The following ITPR2 variants were observed in gnomAD, a reference collection of about 807,000 sequenced individuals.
ITPR2 encodes inositol 1,4,5-trisphosphate receptor type 2.
Under a neutral mutation model 317.1 loss-of-function variants are expected in ITPR2, and 207 were observed. The ratio of observed to expected loss-of-function variants is 0.65; its 90% confidence interval spans 0.58 to 0.73. ITPR2 has a LOEUF of 0.73. Ranked by LOEUF, ITPR2 falls within the 30% of genes least tolerant of loss-of-function variation. The pLI is 0.00. For missense variants in ITPR2, 2,613 were observed against 3,284.0 expected, an observed-to-expected ratio of 0.80 and a Z score of 4.99; for synonymous variants, 1,156 against 1,149.1, an observed-to-expected ratio of 1.01 and a Z score of -0.12.
chr12:26,813,130 G>A (rs1046035360), intron 1 of ITPR2, among the ~76,000 whole-genome samples: 1 of 152,116 alleles, frequency 6.6e-6, no homozygotes, highest in African/African-American at 2.4e-5. Context: ...ATATTTAGTT[G>A]TAGCATAAAA....
At chr12:26,717,075 T>G (rs1435681975) in intron 5 of ITPR2, among the ~76,000 whole-genome samples, 1 of 152,192 alleles carries the variant, frequency 6.6e-6, no homozygotes, top group Non-Finnish European at 1.5e-5. Flanking sequence ...TTACTTACAT[T>G]GCTGAATTTA....
At chr12:26,495,550 C>T (rs190933962) in intron 37 of ITPR2, 33 of 230,874 alleles carry the variant, frequency 1.4e-4, no homozygotes, top group Admixed American at 2.8e-4. Flanking sequence ...TATCTCCAAA[C>T]TCATCAAGTT....
chr12:26,415,469 A>G lies in ITPR2; in HGVS notation c.7140T>C (p.Thr2380=), dbSNP rs1201634755. The G allele has an allele frequency of 6.2e-7, 1 of 1,609,594 alleles. No homozygotes were observed. Among genetic ancestry groups the G allele is most frequent in the Non-Finnish European group, 8.5e-7 (1 of 1,177,686 alleles). Residue 2380 remains threonine (T), a synonymous_variant, in exon 51 of 57, where the codon ACT becomes ACC. Transcript: ENST00000381340. ...LLFDLVYREE[T]LLNVIKSVTR... ...TGACACTTTTTATGACATTCAGCAA[A>G]GTCTCTTCCCTGTACACCAAATCAA...
At chr12:26,364,048 G>A (rs911647840) in intron 55 of ITPR2, among the ~76,000 whole-genome samples, 3 of 152,162 alleles carry the variant, frequency 2.0e-5, no homozygotes, top group African/African-American at 2.4e-5. Context: ...GCACTCTCCC[G>A]TGGATATTTG....
chr12:26,449,888 G>T (rs1375695054), intron 45 of ITPR2, among the ~76,000 whole-genome samples: 1 of 152,146 alleles, frequency 6.6e-6, no homozygotes, highest in Admixed American at 6.6e-5. Flanking sequence ...CTTATCTCCT[G>T]GTACCTATGA....
intron 39 of ITPR2, 94 bp downstream of exon 39, chr12:26,494,059 C>A: frequency 1.0e-6 from 1 of 958,422 alleles, no homozygotes; most frequent in South Asian, 2.2e-5. Context: ...GTAATAAGAG[C>A]TAAAAGAAAC....
Position 26,339,492 on chromosome 12 carries a change from A to G in ITPR2, c.8020-9T>C. ...TTCCTTTGTTCTGTCATCTGGGGGAAAAGAGAGAGTGTGTGTTCAGCGGAT... is the reference window on the plus strand; with the variant it reads ...TTCCTTTGTTCTGTCATCTGGGGGAGAAGAGAGAGTGTGTGTTCAGCGGAT... On this transcript the variant is annotated splice_polypyrimidine_tract_variant and intron_variant, in intron 56 of 56. Coordinates refer to ENST00000381340, the MANE Select transcript of ITPR2 (RefSeq NM_002223.4). The G allele has an allele frequency of 6.2e-7, 1 of 1,612,206 alleles. No homozygotes were observed. Among genetic ancestry groups the G allele is most frequent in the Non-Finnish European group, 8.5e-7 (1 of 1,178,394 alleles).
chr12:26,356,948 T>C (rs561105093), intron 55 of ITPR2, among the ~76,000 whole-genome samples: 2 of 152,360 alleles, frequency 1.3e-5, no homozygotes, highest in Admixed American at 6.5e-5. Flanking sequence ...GAAATAGATA[T>C]TGAAGCAATT....
intron 13 of ITPR2, among the ~76,000 whole-genome samples, chr12:26,672,764 G>A (rs1947812399): frequency 1.3e-5 from 2 of 151,962 alleles, no homozygotes; most frequent in South Asian, 4.1e-4. Context: ...TCCAGGAGCT[G>A]GTTTTTTGAA....
intron 32 of ITPR2, among the ~76,000 whole-genome samples, chr12:26,592,019 T>C (rs556682184): frequency 1.3e-5 from 2 of 152,080 alleles, no homozygotes; most frequent in Non-Finnish European, 2.9e-5. Flanking sequence ...AACAGATGAA[T>C]GGATAAAGAA....
intron 37 of ITPR2, among the ~76,000 whole-genome samples, chr12:26,531,516 C>G (rs551241890): frequency 6.6e-6 from 1 of 152,186 alleles, no homozygotes; most frequent in African/African-American, 2.4e-5. Flanking sequence ...AAGCAATGCT[C>G]TGACAATTGT....
chr12:26,487,247 G>A lies in ITPR2; in HGVS notation c.5375C>T (p.Ser1792Phe). 6.3e-7 allele frequency: 1 copy of A among 1,591,354 alleles called. No homozygotes were observed. Among genetic ancestry groups the A allele is most frequent in the Non-Finnish European group, 8.5e-7 (1 of 1,172,148 alleles). Residue 1792 changes from serine (S) to phenylalanine (F), a missense_variant, in exon 40 of 57, where the codon TCT becomes TTT. Ser to Phe is a radical substitution (Grantham distance 155). Around this residue, in one of 9 missense-constraint regions of ITPR2, gnomAD observed 926 missense variants for 1,072.8 expected, o/e 0.86. Transcript: ENST00000381340. ...LEGGNTQTQY[S>F]FYQQLHEQKK... ...TTGTTCATGCAACTGCTGGTAGAAA[G>A]AATACTGCAAGAAAACATATTTTAA...
At chr12:26,671,371 C>A (rs1947767249) in intron 13 of ITPR2, among the ~76,000 whole-genome samples, 1 of 152,168 alleles carries the variant, frequency 6.6e-6, no homozygotes, top group Non-Finnish European at 1.5e-5. Context: ...CTCTACAAGC[C>A]AGAAGACAGT....
At position 26,790,126 on chromosome 12, in the gene ITPR2, A is replaced by C. The variant is rs770623060; in HGVS notation, c.163+31T>G. The C allele has an allele frequency of 6.2e-6, 9 of 1,459,374 alleles. No homozygotes were observed. In the South Asian group the frequency reaches 9.1e-5, roughly 15 times the overall value. 90.4% of individuals were successfully genotyped at this position (1,459,374 alleles called of 1,614,324 possible). ...TAAAAATAATCCTCCCTCTTAGCTC[A>C]CACAATTAAAAAAATATATGTATTT... On this transcript the variant is annotated intron_variant, in intron 2 of 56. Coordinates refer to ENST00000381340, the MANE Select transcript of ITPR2 (RefSeq NM_002223.4).
At chr12:26,600,843 C>T (rs918574517) in intron 28 of ITPR2, among the ~76,000 whole-genome samples, 1 of 151,982 alleles carries the variant, frequency 6.6e-6, no homozygotes, top group Non-Finnish European at 1.5e-5. Context: ...ATTACTCACT[C>T]ATCTCAGTTC....
intron 32 of ITPR2, among the ~76,000 whole-genome samples, chr12:26,592,063 A>G (rs534655520): frequency 6.6e-6 from 1 of 152,328 alleles, no homozygotes; most frequent in South Asian, 2.1e-4. Flanking sequence ...AGTACTATTC[A>G]GCCAGTAAAA....
At chr12:26,653,851 G>A in intron 21 of ITPR2, 125 bp downstream of exon 21, 2 of 686,224 alleles carry the variant, frequency 2.9e-6, no homozygotes, top group Non-Finnish European at 4.9e-6. Flanking sequence ...CCTGTCATAG[G>A]AATTGTGTTC....
Position 26,666,056 on chromosome 12 carries a change from T to G in ITPR2, c.1410-5A>C. 1.2e-6 allele frequency: 2 copies of G among 1,604,134 alleles called. No individual in the cohort carries two copies. On this transcript the variant is annotated splice_region_variant and splice_polypyrimidine_tract_variant and intron_variant, in intron 13 of 56. Transcript: ENST00000381340. ...TCCAATAATTTGGTTACAAACCTAT[T>G]ACAAAATGAAAAGGAAATTTTACTT...
At position 26,770,384 on chromosome 12, in the gene ITPR2, A is replaced by G. The variant is rs549134667; in HGVS notation, c.163+19773T>C. On this transcript the variant is annotated intron_variant, in intron 2 of 56. Coordinates refer to ENST00000381340, the MANE Select transcript of ITPR2 (RefSeq NM_002223.4). ...ATGCTATTTCATACCTCTGTGCCTC[A>G]GCCAGAAATGCCTCTTTCTCCATCA... Among the ~76,000 whole-genome samples the G allele has an allele frequency of 3.3e-5, 5 of 152,332 alleles. No homozygotes were observed. In the East Asian group the frequency reaches 9.6e-4, roughly 29 times the overall value.
Sources: gnomAD v4.1 joint callset for allele counts (sites outside exome capture counted in the v4.1 genomes callset) on GRCh38, gnomAD v4.1.1 for gene constraint, gnomAD v4.1.1 regional missense constraint, MANE v1.5 for transcripts, NCBI Gene and HGNC (gene_info 2026-07-23, HGNC 2026-07-21) for gene names.